Variants in SLC5A10 observed in about 807,000 individuals in gnomAD.
SLC5A10 encodes solute carrier family 5 member 10.
Under a neutral mutation model 68.9 loss-of-function variants are expected in SLC5A10, and 55 were observed. That is an observed-to-expected ratio of 0.80 (90% CI 0.64 to 1.00). SLC5A10 has a LOEUF of 1.00. Among genes scored for constraint, SLC5A10 ranks in the 50% least tolerant of loss-of-function variants. The pLI is 0.00. For missense variants in SLC5A10, 732 were observed against 819.3 expected, an observed-to-expected ratio of 0.89 and a Z score of 1.30; for synonymous variants, 344 against 344.8, an observed-to-expected ratio of 1.00 and a Z score of 0.02.
chr17:19,015,416 C>T (rs2044119653), intron 11 of SLC5A10, among the ~76,000 whole-genome samples: 1 of 152,174 alleles, frequency 6.6e-6, no homozygotes, highest in Non-Finnish European at 1.5e-5. Context: ...TGCATCTCCA[C>T]CCTTGAGCTG....
intron 8 of SLC5A10, among the ~76,000 whole-genome samples, chr17:18,972,760 G>C (rs1463476773): frequency 1.3e-5 from 2 of 152,222 alleles, no homozygotes; most frequent in Middle Eastern, 3.4e-3. Context: ...TACTCGGGAG[G>C]CTGAGGCAGG....
rs1022031472 is a variant in SLC5A10 at position 18,960,539 on chromosome 17, C to T, written c.349-9C>T. Reference sequence around the variant, plus strand: ...AGGATGCTTAGCCCCTACCCATGTGCCTTCCCAGATCGTCACCTTACCTGA... The same window carrying T: ...AGGATGCTTAGCCCCTACCCATGTGTCTTCCCAGATCGTCACCTTACCTGA... On this transcript the variant is annotated splice_polypyrimidine_tract_variant and intron_variant, in intron 4 of 14. Transcript: ENST00000395645. 3.7e-6 allele frequency: 6 copies of T among 1,613,344 alleles called. No individual in the cohort carries two copies. In the Admixed American group the frequency reaches 6.7e-5, roughly 18 times the overall value.
Position 18,968,743 on chromosome 17 carries a change from G to A in SLC5A10, c.454-309G>A, listed in dbSNP as rs1567782695. 1 of 379,286 alleles carries A rather than the reference G, an allele frequency of 2.6e-6. No homozygotes were observed. The highest frequency in any genetic ancestry group is 4.9e-5 in the East Asian group (1 of 20,210). 23.5% of individuals were successfully genotyped at this position (379,286 alleles called of 1,614,324 possible). A position where few individuals can be genotyped will look rare whatever the true frequency, so the allele number is the denominator to read the frequency against. Reference sequence around the variant, plus strand: ...CTGGGAACCGAGGGGACAGGGCTCTGCCTTTTATCCCCTCGGGAAGGGGCC... The same window carrying A: ...CTGGGAACCGAGGGGACAGGGCTCTACCTTTTATCCCCTCGGGAAGGGGCC... On this transcript the variant is annotated intron_variant, in intron 5 of 14. Coordinates refer to ENST00000395645, the MANE Select transcript of SLC5A10 (RefSeq NM_001042450.4). The surrounding 1 kb of genome is among the most constrained non-coding windows in gnomAD (Gnocchi z 4.1).
chr17:18,973,484 G>A (rs566078462), intron 8 of SLC5A10, among the ~76,000 whole-genome samples: 131 of 152,320 alleles, frequency 8.6e-4, no homozygotes, highest in African/African-American at 3.1e-3. Context: ...CCCTTGGGCT[G>A]GGTCTGCCTG....
chr17:18,981,140 G>T (rs773933303), intron 9 of SLC5A10, among the ~76,000 whole-genome samples: 1 of 152,176 alleles, frequency 6.6e-6, no homozygotes, highest in African/African-American at 2.4e-5. Context: ...GGAGGCTGAG[G>T]GGGTAAACGA....
chr17:19,005,653 C>CCCT (rs2043865600), intron 9 of SLC5A10, among the ~76,000 whole-genome samples: 1 of 151,978 alleles, frequency 6.6e-6, no homozygotes, highest in African/African-American at 2.4e-5. Flanking sequence ...TCAAACCCCC[C>CCCT]CCCTCCAAGG....
At chr17:18,975,657 T>C (rs1415222941) in intron 8 of SLC5A10, 1 of 151,772 alleles carries the variant, frequency 6.6e-6, no homozygotes, top group Non-Finnish European at 1.5e-5. Context: ...ATTGCGCCAT[T>C]GCACTCCAGC....
At chr17:19,020,101 ACCCCCACCCTGCCAT>A (rs1247415868) in intron 13 of SLC5A10, 39 bp from the exon 14 acceptor site, 2 of 1,227,338 alleles carry the variant, frequency 1.6e-6, no homozygotes, top group African/African-American at 1.5e-5. Flanking sequence ...TGTCTGGGTC[ACCCCCACCCTGCCAT>A]CCCCCACCCC....
intron 9 of SLC5A10, among the ~76,000 whole-genome samples, chr17:19,010,266 C>A (rs2043986621): frequency 6.6e-6 from 1 of 152,126 alleles, no homozygotes; most frequent in Non-Finnish European, 1.5e-5. Flanking sequence ...GGGCATTGGC[C>A]ATGGGGAGGG....
At chr17:19,011,432 A>T (rs2044011258) in intron 9 of SLC5A10, among the ~76,000 whole-genome samples, 1 of 152,146 alleles carries the variant, frequency 6.6e-6, no homozygotes, top group Admixed American at 6.5e-5. Context: ...CGGTGCTGGG[A>T]TGGGAGGTTC....
At chr17:19,005,061 C>A (rs2043845710) in intron 9 of SLC5A10, among the ~76,000 whole-genome samples, 1 of 152,196 alleles carries the variant, frequency 6.6e-6, no homozygotes, top group African/African-American at 2.4e-5. Context: ...TGTTGGTGAT[C>A]CTGGATCAAC....
intron 9 of SLC5A10, chr17:18,979,543 A>C: frequency 6.2e-7 from 1 of 1,612,724 alleles, no homozygotes; most frequent in Non-Finnish European, 8.5e-7. Context: ...AAAGCTGGAG[A>C]GTCACCTGTA....
intron 8 of SLC5A10, chr17:18,976,530 C>A: frequency 3.0e-6 from 1 of 333,972 alleles, no homozygotes; most frequent in Non-Finnish European, 5.5e-6. Context: ...GTCCCCATAC[C>A]ACCCCACCCA....
rs2044270366 is a variant in SLC5A10 at position 19,021,925 on chromosome 17, A to G, written c.*1494A>G. Reference sequence around the variant, plus strand: ...CCTCTCTGGACCTCAGTTCCTGTAAAAAGGCCCGTTGGCCAGATCGGCCGC... The same window carrying G: ...CCTCTCTGGACCTCAGTTCCTGTAAGAAGGCCCGTTGGCCAGATCGGCCGC... On this transcript the variant is annotated 3_prime_UTR_variant, in exon 15 of 15. Coordinates refer to ENST00000395645, the MANE Select transcript of SLC5A10 (RefSeq NM_001042450.4). The surrounding 1 kb of genome is among the most constrained non-coding windows in gnomAD (Gnocchi z 4.1). 1 of 1,465,386 alleles carries G rather than the reference A, an allele frequency of 6.8e-7. No homozygotes were observed. Among genetic ancestry groups the G allele is most frequent in the Non-Finnish European group, 9.0e-7 (1 of 1,108,736 alleles). 90.8% of individuals were successfully genotyped at this position (1,465,386 alleles called of 1,614,324 possible). A position where few individuals can be genotyped will look rare whatever the true frequency, so the allele number is the denominator to read the frequency against.
In SLC5A10 at chr17:18,996,416, G is replaced by C. The variant is rs528333767; in HGVS notation, c.983-16994G>C. On this transcript the variant is annotated intron_variant, in intron 9 of 14. Transcript: ENST00000395645. This position sits in a 1 kb window ranked among gnomAD's most constrained non-coding sequence, Gnocchi z 4.4. ...AATTAGTGACATGCCATCTGAAGAGGCCCAAGAAGGTTCTCTGGGTTAGGA... is the reference window on the plus strand; with the variant it reads ...AATTAGTGACATGCCATCTGAAGAGCCCCAAGAAGGTTCTCTGGGTTAGGA... Among the ~76,000 whole-genome samples, 48 of 152,198 alleles carry C rather than the reference G, an allele frequency of 3.2e-4. No homozygotes were observed. The highest frequency in any genetic ancestry group is 6.8e-3 in the Middle Eastern group (2 of 294).
chr17:18,983,039 G>A (rs1028157740), intron 9 of SLC5A10, among the ~76,000 whole-genome samples: 8 of 152,248 alleles, frequency 5.3e-5, no homozygotes, highest in Non-Finnish European at 7.3e-5. Context: ...GGCTGTGGGG[G>A]ACCAACACAG....
Position 19,017,537 on chromosome 17 carries a change from G to C in SLC5A10, c.1242-1886G>C. The C allele has an allele frequency of 5.3e-6, 4 of 750,440 alleles. No individual in the cohort carries two copies. The South Asian group carries it at 5.4e-5, about 10-fold the overall frequency. The allele number at this position is 750,440 out of a possible 1,614,324, so 46.5% of individuals were successfully genotyped here. ...CCGGTGACCCTGATGGCTCTGTCCA[G>C]CTGAGCAGAGGCTGGAGGAGCCGTC... is the stretch of plus-strand genomic sequence containing the variant. On this transcript the variant is annotated intron_variant, in intron 11 of 14. Transcript: ENST00000395645. The surrounding 1 kb of genome is among the most constrained non-coding windows in gnomAD (Gnocchi z 5.6).
chr17:18,965,214 G>GT (rs2042687505), intron 5 of SLC5A10, among the ~76,000 whole-genome samples: 1 of 152,138 alleles, frequency 6.6e-6, no homozygotes, highest in African/African-American at 2.4e-5. Flanking sequence ...GTTTTGGGGA[G>GT]TGGGTGTGTG....
At position 18,971,955 on chromosome 17, in the gene SLC5A10, G is replaced by A. The variant is rs538222269; in HGVS notation, c.846+737G>A. 3.8e-4 allele frequency among the ~76,000 whole-genome samples: 58 copies of A among 152,336 alleles called. No individual in the cohort carries two copies. The highest frequency in any genetic ancestry group is 1.3e-3 in the African/African-American group (53 of 41,584). On this transcript the variant is annotated intron_variant, in intron 8 of 14. Transcript: ENST00000395645. This position sits in a 1 kb window ranked among gnomAD's most constrained non-coding sequence, Gnocchi z 5.5. ...TAATATGGGAATAATCCTGCCCTTT[G>A]TGGGTGTAGCAAGGCAGCTTCCTCC... is the stretch of plus-strand genomic sequence containing the variant.
Sources: allele counts gnomAD v4.1 joint callset (sites outside exome capture counted in the v4.1 genomes callset), GRCh38; gene constraint gnomAD v4.1.1; non-coding constraint Gnocchi (gnomAD v3.1); transcripts MANE v1.5; gene names NCBI Gene and HGNC (gene_info 2026-07-23, HGNC 2026-07-21).